Variants in JPH2 observed in about 807,000 individuals in gnomAD.
JPH2 encodes the protein junctophilin 2, also known as junctophilin-2.
JPH2 carries 38 observed loss-of-function variants against 55.9 expected under a neutral mutation model. The observed-to-expected ratio is 0.68, with a 90% confidence interval of 0.52 to 0.89. The LOEUF (loss-of-function observed/expected upper bound fraction) is 0.89. Ranked by LOEUF, JPH2 falls within the 40% of genes least tolerant of loss-of-function variation. The pLI is 0.00. For synonymous variants in JPH2, 480 were observed against 472.4 expected (o/e 1.02, Z -0.21); for missense variants, 964 against 1,037.6 (o/e 0.93, Z 0.97).
chr20:44,115,998 C>T lies in JPH2; in HGVS notation c.1677G>A (p.Glu559=), dbSNP rs758352249. ...QAPPAPSREP[E]VALYQGYHSY... is the part of the protein sequence containing the mutation. Reference sequence around the variant, plus strand: ...TGTGGTAGCCCTGGTAAAGCGCCACCTCCGGCTCCCGCGACGGCGCAGGCG... The same window carrying T: ...TGTGGTAGCCCTGGTAAAGCGCCACTTCCGGCTCCCGCGACGGCGCAGGCG... The change falls in exon 4 of 6, where the codon GAG becomes GAA. Residue 559 remains glutamate (E), a synonymous_variant. Coordinates refer to ENST00000372980, the MANE Select transcript of JPH2 (RefSeq NM_020433.5). 53 of 1,579,350 alleles carry T rather than the reference C, an allele frequency of 3.4e-5. No individual in the cohort carries two copies. In the South Asian group the frequency reaches 5.0e-4, roughly 15 times the overall value.
At chr20:44,138,009 C>T (rs2072427104) in intron 2 of JPH2, among the ~76,000 whole-genome samples, 1 of 140,776 alleles carries the variant, frequency 7.1e-6, no homozygotes, top group South Asian at 2.3e-4. Flanking sequence ...TTAAAAAGAC[C>T]TTTTTTTTTT....
At position 44,160,446 on chromosome 20, in the gene JPH2, C is replaced by A. The variant is rs747464638; in HGVS notation, c.380-39G>T. The A allele has an allele frequency of 1.3e-6, 2 of 1,589,114 alleles. No individual in the cohort carries two copies. The highest frequency in any genetic ancestry group is 1.3e-5 in the African/African-American group (1 of 74,398). ...GAGGGCGCGTCAGTAGGCGGCACGA[C>A]GGGTCCCCGCGTGTGCACGGTGGCC... is the stretch of plus-strand genomic sequence containing the variant. On this transcript the variant is annotated intron_variant, in intron 1 of 5. Coordinates refer to ENST00000372980, the MANE Select transcript of JPH2 (RefSeq NM_020433.5). The surrounding 1 kb of genome is among the most constrained non-coding windows in gnomAD (Gnocchi z 4.9).
rs752256181 is a variant in JPH2 at position 44,159,883 on chromosome 20, C to G, written c.904G>C (p.Gly302Arg). The change falls in exon 2 of 6, where the codon GGC becomes CGC. Residue 302 changes from glycine (G) to arginine (R), a missense_variant. Physicochemically the swap from Gly to Arg is moderately radical, Grantham distance 125. Transcript: ENST00000372980. The surrounding 1 kb of genome is among the most constrained non-coding windows in gnomAD (Gnocchi z 5.7). The part of the protein sequence containing the change: ...MGEWKNDKRS[G>R]FGVSERSSGL... ...CTGGAGCGTTCGCTCACGCCGAAGC[C>G]CGAGCGTTTGTCGTTCTTCCACTCG... 9 of 1,613,446 alleles carry G rather than the reference C, an allele frequency of 5.6e-6. No individual in the cohort carries two copies. The South Asian group carries it at 9.9e-5, about 18-fold the overall frequency.
intron 2 of JPH2, among the ~76,000 whole-genome samples, chr20:44,149,340 C>G (rs1056604362): frequency 1.3e-4 from 20 of 152,264 alleles, no homozygotes; most frequent in African/African-American, 4.8e-4. Flanking sequence ...TGGTCATACA[C>G]ATTTGGGCAG....
chr20:44,156,437 C>T (rs1304721433), intron 2 of JPH2, among the ~76,000 whole-genome samples: 1 of 152,150 alleles, frequency 6.6e-6, no homozygotes, highest in Non-Finnish European at 1.5e-5. Flanking sequence ...ATATGAGCAC[C>T]TGGTCATAAG....
At chr20:44,164,671 A>AAAACAAACAAAC (rs34787127) in intron 1 of JPH2, among the ~76,000 whole-genome samples, 4 of 149,454 alleles carry the variant, frequency 2.7e-5, no homozygotes, top group Non-Finnish European at 5.9e-5. Context: ...AAAGCCTCAA[A>AAAACAAACAAAC]AAACAAACAA....
intron 3 of JPH2, among the ~76,000 whole-genome samples, chr20:44,116,769 A>G (rs1034384197): frequency 1.3e-5 from 2 of 152,168 alleles, no homozygotes; most frequent in Admixed American, 6.5e-5. Flanking sequence ...TACCTATTTT[A>G]TAAATACGAA....
intron 5 of JPH2, 115 bp downstream of exon 5, chr20:44,114,667 T>C: frequency 1.4e-6 from 1 of 734,714 alleles, no homozygotes. Context: ...GGGCCTCAAT[T>C]AGTCACAGGA....
Position 44,114,658 on chromosome 20 carries a change from G to A in JPH2, c.*14+124C>T, listed in dbSNP as rs115154926. On this transcript the variant is annotated intron_variant, in intron 5 of 5. Coordinates refer to ENST00000372980, the MANE Select transcript of JPH2 (RefSeq NM_020433.5). ...AGGTCTTGGCTTCTGCAGGTGGGTG[G>A]GCCTCAATTAGTCACAGGACTGTCA... 1.7e-3 allele frequency: 1,139 copies of A among 679,824 alleles called. 11 individuals are homozygous for A. In the African/African-American group the frequency reaches 0.018, roughly 11 times the overall value. 42.1% of individuals were successfully genotyped at this position (679,824 alleles called of 1,614,324 possible).
At position 44,134,430 on chromosome 20, in the gene JPH2, T is replaced by TAATATATA. The variant is rs1433244816; in HGVS notation, c.1170-15808_1170-15807insTATATATT. Among the ~76,000 whole-genome samples, 2 of 16,710 alleles carry TAATATATA rather than the reference T, an allele frequency of 1.2e-4. 1 individual carries two copies. The highest frequency in any genetic ancestry group is 6.5e-4 in the African/African-American group (2 of 3,058). 11.0% of individuals were successfully genotyped at this position (16,710 alleles called of 152,430 possible). On this transcript the variant is annotated intron_variant, in intron 2 of 5. Transcript: ENST00000372980. ...TATATATAAATAAATATATATTTAT[T>TAATATATA]ATAAATATATATAAATATATATTTA...
intron 3 of JPH2, among the ~76,000 whole-genome samples, 155 bp downstream of exon 3, chr20:44,118,350 T>C (rs2072208599): frequency 6.6e-6 from 1 of 152,176 alleles, no homozygotes; most frequent in Admixed American, 6.5e-5. Context: ...CACCTACCCC[T>C]GCATCATCCC....
chr20:44,168,570 A>C (rs1368618125), intron 1 of JPH2, among the ~76,000 whole-genome samples: 1 of 152,204 alleles, frequency 6.6e-6, no homozygotes, highest in Non-Finnish European at 1.5e-5. Context: ...AGGTAACATC[A>C]TTTTGATTTT....
intron 1 of JPH2, among the ~76,000 whole-genome samples, chr20:44,170,625 G>A (rs927452405): frequency 6.6e-6 from 1 of 152,124 alleles, no homozygotes; most frequent in Non-Finnish European, 1.5e-5. Context: ...TGATTATAAG[G>A]GACTCATAGC....
At chr20:44,177,189 G>T in intron 1 of JPH2, 1 of 985,640 alleles carries the variant, frequency 1.0e-6, no homozygotes, top group Non-Finnish European at 1.2e-6. Flanking sequence ...CTCGGGAAGG[G>T]ATAGGTGAGA....
At chr20:44,129,182 C>T (rs1033392297) in intron 2 of JPH2, among the ~76,000 whole-genome samples, 2 of 152,184 alleles carry the variant, frequency 1.3e-5, no homozygotes, top group Admixed American at 6.5e-5. Context: ...CCCCAGCCTC[C>T]AGCTGGAGTG....
chr20:44,125,458 C>T (rs1328282341), intron 2 of JPH2, among the ~76,000 whole-genome samples: 1 of 152,200 alleles, frequency 6.6e-6, no homozygotes, highest in South Asian at 2.1e-4. Context: ...GCTGGAGGCA[C>T]GTTCTCAAGG....
rs1470803814 is a variant in JPH2 at position 44,159,798 on chromosome 20, G to A, written c.989C>T (p.Thr330Met). The change falls in exon 2 of 6, where the codon ACG (threonine) becomes ATG (methionine). Residue 330 changes from threonine to methionine, a missense_variant. Thr to Met is a moderately conservative substitution (Grantham distance 81). Transcript: ENST00000372980. The surrounding 1 kb of genome is among the most constrained non-coding windows in gnomAD (Gnocchi z 5.7). ...DNLRHGYGCT[T>M]LPDGHREEGK... ...CTCCTCGCGGTGGCCGTCGGGCAGC[G>A]TGGTGCAGCCATAGCCGTGGCGCAG... 1 of 1,613,166 alleles carries A rather than the reference G, an allele frequency of 6.2e-7. No individual in the cohort carries two copies. The highest frequency in any genetic ancestry group is 8.5e-7 in the Non-Finnish European group (1 of 1,179,902).
At chr20:44,124,317 C>T (rs2072260861) in intron 2 of JPH2, among the ~76,000 whole-genome samples, 1 of 152,102 alleles carries the variant, frequency 6.6e-6, no homozygotes, top group Non-Finnish European at 1.5e-5. Context: ...ACCGGACTTG[C>T]CCTGACTCTA....
At chr20:44,137,020 G>T (rs1341890841) in intron 2 of JPH2, among the ~76,000 whole-genome samples, 1 of 152,082 alleles carries the variant, frequency 6.6e-6, no homozygotes, top group Non-Finnish European at 1.5e-5. Flanking sequence ...CCAGAACCTG[G>T]GCTAATCTTG....
Sources: gnomAD v4.1 joint callset for allele counts (sites outside exome capture counted in the v4.1 genomes callset) on GRCh38, gnomAD v4.1.1 for gene constraint, Gnocchi (gnomAD v3.1) non-coding constraint, MANE v1.5 for transcripts, NCBI Gene and HGNC (gene_info 2026-07-23, HGNC 2026-07-21) for gene names.